PTH2R: variants seen among roughly 807,000 people sequenced by gnomAD.
PTH2R encodes PTH2 receptor.
PTH2R carries 59 observed loss-of-function variants against 60.3 expected under a neutral mutation model. The ratio of observed to expected loss-of-function variants is 0.98; its 90% CI spans 0.79 to 1.22. The LOEUF (loss-of-function observed/expected upper bound fraction) is 1.22, where lower values mean the gene tolerates loss of function less well. PTH2R is among the 50% of genes most tolerant of loss of function. PTH2R has a pLI of 0.00. For missense variants in PTH2R, 749 were observed against 682.6 expected, an observed-to-expected ratio of 1.10 and a Z score of -1.08; for synonymous variants, 256 against 243.8, an observed-to-expected ratio of 1.05 and a Z score of -0.47.
At chr2:208,420,608 G>A (rs1220061347) in intron 1 of PTH2R, among the ~76,000 whole-genome samples, 1 of 152,164 alleles carries the variant, frequency 6.6e-6, no homozygotes, top group Non-Finnish European at 1.5e-5. Context: ...AACTTTAGCA[G>A]ATGAATTTTT....
At chr2:208,435,761 G>A (rs1702063067) in intron 2 of PTH2R, among the ~76,000 whole-genome samples, 1 of 152,190 alleles carries the variant, frequency 6.6e-6, no homozygotes, top group Admixed American at 6.5e-5. Flanking sequence ...CCTTGATTTT[G>A]GCCTCACGGG....
Position 208,442,475 on chromosome 2 carries a change from A to G in PTH2R, c.509+14A>G, listed in dbSNP as rs1258739559. 6.4e-7 allele frequency: 1 copy of G among 1,566,560 alleles called. No homozygotes were observed. The highest frequency in any genetic ancestry group is 1.4e-5 in the African/African-American group (1 of 73,886). ...TGGTTACTTCAGGTGAGTGATGCCC[A>G]TCACTTTTTCCATGAAGGGGCACAT... On this transcript the variant is annotated intron_variant, in intron 5 of 12. Coordinates refer to ENST00000272847, the MANE Select transcript of PTH2R (RefSeq NM_005048.4).
At chr2:208,391,467 C>T (rs2125882759) in intron 1 of PTH2R, among the ~76,000 whole-genome samples, 1 of 152,280 alleles carries the variant, frequency 6.6e-6, no homozygotes, top group South Asian at 2.1e-4. Context: ...CATCCCCTTT[C>T]TTTCTGATAC....
chr2:208,407,913 CA>C (rs1701451418), intron 1 of PTH2R, among the ~76,000 whole-genome samples: 1 of 152,162 alleles, frequency 6.6e-6, no homozygotes, highest in Admixed American at 6.5e-5. Flanking sequence ...CCTAGACCGT[CA>C]AATGAAGGCC....
chr2:208,480,038 G>A (rs1410466922), intron 9 of PTH2R, among the ~76,000 whole-genome samples: 2 of 152,170 alleles, frequency 1.3e-5, no homozygotes, highest in Non-Finnish European at 2.9e-5. Context: ...AGTTGTGATT[G>A]TTGAGAGGTG....
intron 1 of PTH2R, among the ~76,000 whole-genome samples, chr2:208,388,432 C>G (rs540002258): frequency 5.1e-4 from 78 of 152,318 alleles, no homozygotes; most frequent in Middle Eastern, 3.4e-3. Flanking sequence ...TGACGTTCCA[C>G]ACTATCCTTC....
intron 1 of PTH2R, among the ~76,000 whole-genome samples, chr2:208,368,198 G>A (rs939745846): frequency 3.3e-5 from 5 of 152,096 alleles, no homozygotes; most frequent in African/African-American, 9.7e-5. Context: ...CCAGCCCTTC[G>A]ACTACCCAAC....
chr2:208,464,982 G>GTTTGTTTT (rs1702713621), intron 9 of PTH2R, among the ~76,000 whole-genome samples: 6 of 151,896 alleles, frequency 4.0e-5, no homozygotes, highest in Non-Finnish European at 7.4e-5. Context: ...TTCTTTGTTT[G>GTTTGTTTT]TTTGTTTTTT....
At chr2:208,447,685 T>C (rs1702316834) in intron 7 of PTH2R, among the ~76,000 whole-genome samples, 1 of 151,428 alleles carries the variant, frequency 6.6e-6, no homozygotes, top group Admixed American at 6.6e-5. Context: ...AGAATAGGTG[T>C]CATATCTGAC....
At chr2:208,360,410 G>T (rs1389464707) in intron 1 of PTH2R, among the ~76,000 whole-genome samples, 1 of 152,140 alleles carries the variant, frequency 6.6e-6, no homozygotes, top group Non-Finnish European at 1.5e-5. Flanking sequence ...CAGGTTACTT[G>T]GTCCTGAGGT....
chr2:208,451,128 G>A (rs1702399394), intron 8 of PTH2R, among the ~76,000 whole-genome samples: 1 of 152,038 alleles, frequency 6.6e-6, no homozygotes, highest in Non-Finnish European at 1.5e-5. Context: ...GTGAAAGCAG[G>A]TTGAAGAACT....
intron 4 of PTH2R, among the ~76,000 whole-genome samples, chr2:208,441,478 C>T (rs538798626): frequency 4.6e-5 from 7 of 152,284 alleles, no homozygotes; most frequent in Middle Eastern, 3.4e-3. Context: ...ACATGGAAAA[C>T]GCTTGTTGAG....
rs768818816 is a variant in PTH2R at position 208,493,255 on chromosome 2, G to T, written c.1258-9G>T. On this transcript the variant is annotated splice_polypyrimidine_tract_variant and intron_variant, in intron 12 of 12. Transcript: ENST00000272847. ...ATTTCTCATGCACAGCATGTTTCTC[G>T]TGGCTTAGGTTCAGGCAGAGGTGAA... is the stretch of plus-strand genomic sequence containing the variant. 1 of 1,486,900 alleles carries T rather than the reference G, an allele frequency of 6.7e-7. No homozygotes were observed. Among genetic ancestry groups the T allele is most frequent in the East Asian group, 2.4e-5 (1 of 42,502 alleles). The allele number at this position is 1,486,900 out of a possible 1,614,324, so 92.1% of individuals were successfully genotyped here.
intron 9 of PTH2R, among the ~76,000 whole-genome samples, chr2:208,460,220 T>A (rs575230616): frequency 5.3e-5 from 8 of 152,242 alleles, no homozygotes; most frequent in Admixed American, 2.0e-4. Context: ...AGCATTTATA[T>A]GTTTAGGGAG....
intron 2 of PTH2R, 36 bp downstream of exon 2, chr2:208,428,339 T>G (rs1285273537): frequency 7.1e-7 from 1 of 1,407,580 alleles, no homozygotes; most frequent in Non-Finnish European, 1.0e-6. Context: ...TCCTTGTGCC[T>G]CCTATCTGTT....
At position 208,489,046 on chromosome 2, in the gene PTH2R, GT is replaced by G. The variant is rs760717672; in HGVS notation, c.1112del (p.Val371AlafsTer54). The G allele has an allele frequency of 7.4e-6, 12 of 1,614,068 alleles. No homozygotes were observed. The highest frequency in any genetic ancestry group is 1.7e-5 in the Admixed American group (1 of 60,012). On this transcript the variant is annotated frameshift_variant, in exon 11 of 13. Coordinates refer to ENST00000272847, the MANE Select transcript of PTH2R (RefSeq NM_005048.4). LOFTEE classifies it high-confidence loss of function. ...LAKSTLVLVL[V>X]FGVHYIVFVC... The stretch of plus-strand genomic sequence containing the variant: ...CAAATCGACACTGGTCCTGGTCCTA[GT>G]CTTTGGAGTGCATTACATCGTGTTC...
chr2:208,451,919 A>G (rs1354983318), intron 8 of PTH2R, among the ~76,000 whole-genome samples: 1 of 152,182 alleles, frequency 6.6e-6, no homozygotes, highest in South Asian at 2.1e-4. Context: ...ATTAAATAGT[A>G]AAGAATCCTT....
intron 1 of PTH2R, among the ~76,000 whole-genome samples, chr2:208,413,455 T>C (rs1165124123): frequency 6.6e-6 from 1 of 152,206 alleles, no homozygotes; most frequent in East Asian, 1.9e-4. Flanking sequence ...CTTTAAGGAA[T>C]GAAAGTGTAA....
intron 1 of PTH2R, among the ~76,000 whole-genome samples, chr2:208,375,575 C>T (rs1006627516): frequency 2.0e-5 from 3 of 152,118 alleles, no homozygotes; most frequent in South Asian, 2.1e-4. Context: ...AATAAAGTGG[C>T]CAGAAGCAGT....
Sources: gnomAD v4.1 joint callset for allele counts (sites outside exome capture counted in the v4.1 genomes callset) on GRCh38, gnomAD v4.1.1 for gene constraint, MANE v1.5 for transcripts, NCBI Gene and HGNC (gene_info 2026-07-23, HGNC 2026-07-21) for gene names.